The following SPECC1 variants were observed in gnomAD, a reference collection of about 807,000 sequenced individuals.
The protein encoded by SPECC1 is sperm antigen with calponin homology and coiled-coil domains 1, also known as cytospin-B.
Under a neutral mutation model 104.1 loss-of-function variants are expected in SPECC1, and 62 were observed. The ratio of observed to expected loss-of-function variants is 0.60; its 90% CI spans 0.49 to 0.74. SPECC1 has a LOEUF of 0.74. SPECC1 is among the 30% of genes least tolerant of loss of function. SPECC1 has a pLI of 0.00. For synonymous variants in SPECC1, 513 were observed against 501.6 expected, an observed-to-expected ratio of 1.02 and a Z score of -0.30; for missense variants, 1,306 against 1,310.5, an observed-to-expected ratio of 1.00 and a Z score of 0.05.
At chr17:20,088,926 G>A (rs971931366) in intron 1 of SPECC1, among the ~76,000 whole-genome samples, 1 of 152,220 alleles carries the variant, frequency 6.6e-6, no homozygotes, top group Non-Finnish European at 1.5e-5. Flanking sequence ...TGCCATGTGA[G>A]GCGCAGCAAG....
At chr17:20,011,920 A>G (rs1216728476) in intron 1 of SPECC1, among the ~76,000 whole-genome samples, 4 of 147,696 alleles carry the variant, frequency 2.7e-5, no homozygotes, top group African/African-American at 8.0e-5. Context: ...TATCACAGAT[A>G]CTTTTCTTTG....
rs75270099 is a variant in SPECC1 at position 20,065,974 on chromosome 17, C to T, written c.-21-30657C>T. Among the ~76,000 whole-genome samples the T allele has an allele frequency of 2.7e-3, 411 of 152,306 alleles. 15 individuals carry two copies. The East Asian group carries it at 0.076, about 28-fold the overall frequency. On this transcript the variant is annotated intron_variant, in intron 1 of 14. Coordinates refer to ENST00000395527, the MANE Select transcript of SPECC1 (RefSeq NM_001243439.2). Reference sequence around the variant, plus strand: ...CATAGTCCTTGTTATAATTTGTTATCTATATCTATCTATCTATATGTATAT... The same window carrying T: ...CATAGTCCTTGTTATAATTTGTTATTTATATCTATCTATCTATATGTATAT...
At chr17:20,305,987 A>G (rs750349717) in intron 13 of SPECC1, 36 bp from the exon 14 acceptor site, 1 of 1,591,630 alleles carries the variant, frequency 6.3e-7, no homozygotes, top group Non-Finnish European at 8.6e-7. Flanking sequence ...TATATTTTAA[A>G]TTACTGATTC....
chr17:20,165,723 T>C (rs192711104), intron 3 of SPECC1, among the ~76,000 whole-genome samples: 278 of 152,376 alleles, frequency 1.8e-3, no homozygotes, highest in Non-Finnish European at 3.0e-3. Context: ...TCTTGACTTT[T>C]TGATAATCGT....
At chr17:20,110,244 T>A (rs188914457) in intron 2 of SPECC1, among the ~76,000 whole-genome samples, 183 bp from the exon 3 acceptor site, 33 of 152,378 alleles carry the variant, frequency 2.2e-4, no homozygotes, top group Admixed American at 2.2e-3. Flanking sequence ...TCGGACCTGT[T>A]ATGACAGAAA....
chr17:20,019,205 ATCATTCATTTAT>A (rs1272749222), intron 1 of SPECC1, among the ~76,000 whole-genome samples: 1 of 92,186 alleles, frequency 1.1e-5, no homozygotes, highest in Non-Finnish European at 2.4e-5. Context: ...AGAAGACCCT[ATCATTCATTTAT>A]TTATTTATTT....
At chr17:20,281,932 G>T (rs988999940) in intron 12 of SPECC1, among the ~76,000 whole-genome samples, 1 of 152,206 alleles carries the variant, frequency 6.6e-6, no homozygotes, top group African/African-American at 2.4e-5. Flanking sequence ...TTCTCAGGAC[G>T]CCAAGGAAGA....
chr17:20,077,932 C>G (rs988244081), intron 1 of SPECC1, among the ~76,000 whole-genome samples: 1 of 151,840 alleles, frequency 6.6e-6, no homozygotes, highest in African/African-American at 2.4e-5. Flanking sequence ...ATAATAGTTT[C>G]TATTCCATAG....
At position 20,066,750 on chromosome 17, in the gene SPECC1, A is replaced by C. The variant is rs894574230; in HGVS notation, c.-21-29881A>C. Among the ~76,000 whole-genome samples, 9 of 103,452 alleles carry C rather than the reference A, an allele frequency of 8.7e-5. No homozygotes were observed. In the South Asian group the frequency reaches 2.3e-3, roughly 26 times the overall value. The allele number at this position is 103,452 out of a possible 152,430, so 67.9% of individuals were successfully genotyped here. The stretch of plus-strand genomic sequence containing the variant: ...TACATAATTGTTGTTATGCTTAAGT[A>C]GTTTTTTTTTTCTTGAGATAGAGTT... On this transcript the variant is annotated intron_variant, in intron 1 of 14. Coordinates refer to ENST00000395527, the MANE Select transcript of SPECC1 (RefSeq NM_001243439.2).
chr17:20,259,574 T>C (rs1379547449), intron 11 of SPECC1, among the ~76,000 whole-genome samples: 1 of 152,098 alleles, frequency 6.6e-6, no homozygotes, highest in African/African-American at 2.4e-5. Context: ...GGCACAGTCA[T>C]AGTGCACTAC....
chr17:20,129,260 C>T (rs1337799842), intron 3 of SPECC1, among the ~76,000 whole-genome samples: 2 of 151,640 alleles, frequency 1.3e-5, no homozygotes, highest in Non-Finnish European at 2.9e-5. Context: ...TCTCGGCTCA[C>T]TGCAAGCTCC....
intron 12 of SPECC1, among the ~76,000 whole-genome samples, chr17:20,295,663 A>G (rs965497524): frequency 6.6e-6 from 1 of 152,160 alleles, no homozygotes; most frequent in Non-Finnish European, 1.5e-5. Context: ...CTATTTCTCA[A>G]CATCTTCTCC....
At chr17:20,240,600 G>A (rs1215389636) in intron 7 of SPECC1, among the ~76,000 whole-genome samples, 1 of 151,916 alleles carries the variant, frequency 6.6e-6, no homozygotes, top group Non-Finnish European at 1.5e-5. Flanking sequence ...TGTGAGGTGT[G>A]GTTCTTTTTC....
chr17:20,242,141 T>C (rs368136507), intron 7 of SPECC1, among the ~76,000 whole-genome samples: 9 of 152,334 alleles, frequency 5.9e-5, no homozygotes, highest in African/African-American at 2.2e-4. Context: ...TTGAATACTT[T>C]AAAAATCATC....
intron 4 of SPECC1, among the ~76,000 whole-genome samples, chr17:20,211,453 C>T (rs956399278): frequency 1.3e-5 from 2 of 152,232 alleles, no homozygotes; most frequent in African/African-American, 4.8e-5. Flanking sequence ...CACCAGTAAG[C>T]CTCTGCTCAA....
intron 1 of SPECC1, among the ~76,000 whole-genome samples, chr17:20,033,872 A>G (rs779086089): frequency 3.9e-5 from 6 of 152,166 alleles, no homozygotes; most frequent in South Asian, 2.1e-4. Flanking sequence ...TTGCTCCTCA[A>G]GGAGGTACAG....
chr17:20,286,305 C>T (rs1424161517), intron 12 of SPECC1, among the ~76,000 whole-genome samples: 2 of 152,140 alleles, frequency 1.3e-5, no homozygotes, highest in Admixed American at 6.5e-5. Context: ...AAGGTAACAG[C>T]CTACAGAATG....
intron 12 of SPECC1, among the ~76,000 whole-genome samples, chr17:20,271,353 C>A (rs1460545066): frequency 6.6e-6 from 1 of 152,096 alleles, no homozygotes; most frequent in Non-Finnish European, 1.5e-5. Context: ...CTCCCACCCC[C>A]CCCATGCTTC....
chr17:20,257,389 A>C (rs1448817280), intron 10 of SPECC1, 62 bp from the exon 11 acceptor site: 1 of 1,498,982 alleles, frequency 6.7e-7, no homozygotes, highest in African/African-American at 1.4e-5. Flanking sequence ...TTGAGAATGA[A>C]GTATGATGGC....
Sources: allele counts gnomAD v4.1 joint callset (sites outside exome capture counted in the v4.1 genomes callset), GRCh38; gene constraint gnomAD v4.1.1; transcripts MANE v1.5; gene names NCBI Gene and HGNC (gene_info 2026-07-23, HGNC 2026-07-21).